Variants in TLK1 observed in about 807,000 individuals in gnomAD.
TLK1 encodes serine/threonine-protein kinase tousled-like 1.
TLK1 carries 24 observed loss-of-function variants against 105.3 expected under a neutral mutation model. The observed-to-expected ratio is 0.23, with a 90% CI of 0.17 to 0.32. The LOEUF is 0.32. TLK1 is among the 10% of genes least tolerant of loss of function. The pLI is 1.00. For synonymous variants in TLK1, 321 were observed against 310.4 expected, an observed-to-expected ratio of 1.03 and a Z score of -0.36; for missense variants, 558 against 910.5, an observed-to-expected ratio of 0.61 and a Z score of 4.98.
intron 3 of TLK1, among the ~76,000 whole-genome samples, chr2:171,077,496 T>C (rs1449911403): frequency 6.6e-6 from 1 of 152,262 alleles, no homozygotes; most frequent in Non-Finnish European, 1.5e-5. Context: ...CTGTCGCTAT[T>C]TCCTCACTTT....
upstream of TLK1, among the ~76,000 whole-genome samples, chr2:171,161,442 G>A (rs1692496647): frequency 6.6e-6 from 1 of 152,184 alleles, no homozygotes; most frequent in Non-Finnish European, 1.5e-5. Flanking sequence ...CCCGTCTGCA[G>A]AATGGGAATA....
intron 1 of TLK1, among the ~76,000 whole-genome samples, chr2:171,178,936 A>G (rs553055176): frequency 6.6e-6 from 1 of 152,310 alleles, no homozygotes; most frequent in East Asian, 1.9e-4. Flanking sequence ...ACATTGGATA[A>G]TTCAGTGCAT....
At chr2:171,057,487 C>T (rs982013756) in intron 5 of TLK1, among the ~76,000 whole-genome samples, 1 of 152,012 alleles carries the variant, frequency 6.6e-6, no homozygotes, top group Admixed American at 6.6e-5. Context: ...AAGTGACTGA[C>T]CTCAACCAAA....
At chr2:171,090,126 T>C (rs1689163409) in intron 2 of TLK1, among the ~76,000 whole-genome samples, 1 of 152,200 alleles carries the variant, frequency 6.6e-6, no homozygotes, top group South Asian at 2.1e-4. Flanking sequence ...CTGATTTCAC[T>C]GTTTTACAGT....
At chr2:171,196,061 G>T (rs867155080) in intron 1 of TLK1, among the ~76,000 whole-genome samples, 1 of 140,756 alleles carries the variant, frequency 7.1e-6, no homozygotes, top group Non-Finnish European at 1.5e-5. Context: ...AAGAAAGAAA[G>T]AAAAAGGAAG....
At position 171,010,617 on chromosome 2, in the gene TLK1, A is replaced by G. The variant is rs779451101; in HGVS notation, c.1416+756T>C. Among the ~76,000 whole-genome samples the G allele has an allele frequency of 6.0e-4, 87 of 144,258 alleles. 1 individual carries two copies. Among genetic ancestry groups the G allele is most frequent in the Admixed American group, 1.4e-3 (20 of 14,312 alleles). The allele number at this position is 144,258 out of a possible 152,430, so 94.6% of individuals were successfully genotyped here. A position where few individuals can be genotyped will look rare whatever the true frequency, so the allele number is the denominator to read the frequency against. ...TAAAGGTTAGGCTAAAAGATACAAC[A>G]TAAAGTACAAAAAAAAAAAAAAAGA... On this transcript the variant is annotated intron_variant, in intron 14 of 20. Transcript: ENST00000431350.
chr2:171,150,664 A>T (rs1408082166), intron 1 of TLK1, among the ~76,000 whole-genome samples: 1 of 152,224 alleles, frequency 6.6e-6, no homozygotes, highest in Non-Finnish European at 1.5e-5. Flanking sequence ...AGCTAAAGGT[A>T]TATGTCTGGG....
intron 11 of TLK1, among the ~76,000 whole-genome samples, chr2:171,038,151 T>C (rs1487020244): frequency 6.6e-6 from 1 of 152,214 alleles, no homozygotes; most frequent in Non-Finnish European, 1.5e-5. Context: ...TAATGTGTTG[T>C]TTCCTTTAAA....
chr2:171,160,300 C>T lies in TLK1; in HGVS notation c.129G>A (p.Arg43=). ...CGCGGCGGTGCTTACCTTCCCTGGG[C>T]CTCCCGGATGGCGGCGTGTGATTCA... The part of the protein sequence containing the change: ...SLLNHTPPSG[R]PREGAMDELH... The change falls in exon 1 of 21, where the codon AGG becomes AGA. Residue 43 remains arginine, a synonymous_variant. Coordinates refer to ENST00000431350, the MANE Select transcript of TLK1 (RefSeq NM_012290.5). This position sits in a 1 kb window ranked among gnomAD's most constrained non-coding sequence, Gnocchi z 4.4. 2 of 1,584,642 alleles carry T rather than the reference C, an allele frequency of 1.3e-6. No homozygotes were observed. Among genetic ancestry groups the T allele is most frequent in the East Asian group, 2.5e-5 (1 of 40,526 alleles).
chr2:171,142,919 G>C (rs1422197387), intron 1 of TLK1, among the ~76,000 whole-genome samples: 5 of 152,160 alleles, frequency 3.3e-5, no homozygotes, highest in Non-Finnish European at 5.9e-5. Context: ...AGTCAAATCA[G>C]AAATCAGGGC....
At chr2:171,051,432 G>A (rs1369308302) in intron 8 of TLK1, among the ~76,000 whole-genome samples, 1 of 152,150 alleles carries the variant, frequency 6.6e-6, no homozygotes, top group Non-Finnish European at 1.5e-5. Flanking sequence ...TATCCAAGAA[G>A]GCTGCACACA....
intron 8 of TLK1, among the ~76,000 whole-genome samples, chr2:171,053,057 A>C (rs1289761944): frequency 6.6e-6 from 1 of 152,212 alleles, no homozygotes; most frequent in East Asian, 1.9e-4. Context: ...TTAAACCCTT[A>C]CATTCTTAAG....
At chr2:171,190,046 A>G (rs1693115138) in intron 1 of TLK1, among the ~76,000 whole-genome samples, 1 of 152,236 alleles carries the variant, frequency 6.6e-6, no homozygotes, top group South Asian at 2.1e-4. Flanking sequence ...TATGTTCACA[A>G]GGTCATATAT....
intron 3 of TLK1, among the ~76,000 whole-genome samples, chr2:171,065,688 CCA>C (rs2105452623): frequency 6.6e-6 from 1 of 152,266 alleles, no homozygotes; most frequent in East Asian, 1.9e-4. Flanking sequence ...CAGGCGCCCG[CCA>C]CTATGCCCGG....
In TLK1 at chr2:171,068,209, G is replaced by A. The variant is rs369002657; in HGVS notation, c.331-7053C>T. Among the ~76,000 whole-genome samples, 624 of 152,182 alleles carry A rather than the reference G, an allele frequency of 4.1e-3. 3 individuals carry two copies. Among genetic ancestry groups the A allele is most frequent in the African/African-American group, 0.014 (578 of 41,512 alleles). ...CCAGATCTGGTGGTGAGCACCTGTA[G>A]TCCCAACTACTCGGGAGGTTGAGGC... On this transcript the variant is annotated intron_variant, in intron 3 of 20. Coordinates refer to ENST00000431350, the MANE Select transcript of TLK1 (RefSeq NM_012290.5).
intron 1 of TLK1, among the ~76,000 whole-genome samples, chr2:171,118,465 C>T (rs1473336682): frequency 2.0e-5 from 3 of 152,000 alleles, no homozygotes; most frequent in Non-Finnish European, 4.4e-5. Flanking sequence ...ATTTTTTGTA[C>T]GGTTGATAGT....
At chr2:171,124,480 T>C (rs556542633) in intron 1 of TLK1, among the ~76,000 whole-genome samples, 76 of 152,374 alleles carry the variant, frequency 5.0e-4, no homozygotes, top group Non-Finnish European at 9.8e-4. Flanking sequence ...TTACCACTTC[T>C]AAGCCAGTCA....
chr2:171,096,631 G>A (rs987670890), intron 2 of TLK1, among the ~76,000 whole-genome samples: 6 of 151,702 alleles, frequency 4.0e-5, no homozygotes, highest in South Asian at 4.2e-4. Context: ...GGTGGCAGGC[G>A]CCTATAGTCC....
chr2:171,205,595 AT>A (rs144253496), intron 1 of TLK1, among the ~76,000 whole-genome samples: 3,378 of 152,228 alleles, frequency 0.022, 124 homozygotes, highest in African/African-American at 0.077. Flanking sequence ...AAGTGTTGGG[AT>A]TACAGGTGTG....
Sources: gnomAD v4.1 joint callset for allele counts (sites outside exome capture counted in the v4.1 genomes callset) on GRCh38, gnomAD v4.1.1 for gene constraint, Gnocchi (gnomAD v3.1) non-coding constraint, MANE v1.5 for transcripts, NCBI Gene and HGNC (gene_info 2026-07-23, HGNC 2026-07-21) for gene names.